The following ADARB2 variants were observed in gnomAD, a reference collection of about 807,000 sequenced individuals.
ADARB2 encodes the protein inactive double-stranded RNA-specific editase B2.
A neutral mutation model predicts 62.2 loss-of-function variants in ADARB2; 25 were observed. The ratio of observed to expected loss-of-function variants is 0.40; its 90% CI spans 0.29 to 0.56. The LOEUF is 0.56. ADARB2 is among the 20% of genes least tolerant of loss of function. The probability of loss-of-function intolerance (pLI) is 0.43; values close to 1 mark genes in which losing one functional copy is unlikely to be tolerated. For synonymous variants in ADARB2, 572 were observed against 500.8 expected, an observed-to-expected ratio of 1.14 and a Z score of -1.90; for missense variants, 1,071 against 1,077.4, an observed-to-expected ratio of 0.99 and a Z score of 0.08.
At chr10:1,371,537 T>C (rs1054429129) in intron 2 of ADARB2, among the ~76,000 whole-genome samples, 4 of 152,168 alleles carry the variant, frequency 2.6e-5, no homozygotes, top group African/African-American at 9.7e-5. Context: ...GATGAAATAT[T>C]TGCAAATTAT....
chr10:1,226,337 C>G (rs1360035530), intron 6 of ADARB2, among the ~76,000 whole-genome samples: 1 of 152,150 alleles, frequency 6.6e-6, no homozygotes, highest in Non-Finnish European at 1.5e-5. Flanking sequence ...CTTTTAACTT[C>G]TTTGCCATTG....
At chr10:1,486,357 A>G (rs1588274874) in intron 1 of ADARB2, among the ~76,000 whole-genome samples, 1 of 152,176 alleles carries the variant, frequency 6.6e-6, no homozygotes, top group East Asian at 1.9e-4. Flanking sequence ...TCTAAATTCC[A>G]GATCATTAAT....
chr10:1,222,954 A>C (rs977598286), intron 6 of ADARB2, among the ~76,000 whole-genome samples: 1 of 152,114 alleles, frequency 6.6e-6, no homozygotes, highest in Non-Finnish European at 1.5e-5. Flanking sequence ...TCTGTGAAGA[A>C]AGTCATTGGT....
chr10:1,345,193 C>T (rs1052994264), intron 3 of ADARB2, among the ~76,000 whole-genome samples: 1 of 152,114 alleles, frequency 6.6e-6, no homozygotes, highest in Non-Finnish European at 1.5e-5. Context: ...GTGGTCCCCC[C>T]TCACGAGGCC....
At chr10:1,367,471 C>A (rs188522153) in intron 2 of ADARB2, among the ~76,000 whole-genome samples, 2 of 152,128 alleles carry the variant, frequency 1.3e-5, no homozygotes, top group Non-Finnish European at 2.9e-5. Flanking sequence ...CAGTTGATGG[C>A]GGCAGAAACC....
At chr10:1,511,239 G>A (rs545326355) in intron 1 of ADARB2, among the ~76,000 whole-genome samples, 21 of 152,306 alleles carry the variant, frequency 1.4e-4, no homozygotes, top group Non-Finnish European at 2.1e-4. Flanking sequence ...AAAAGCTAAG[G>A]TGAAGTGCTA....
intron 1 of ADARB2, among the ~76,000 whole-genome samples, chr10:1,493,449 A>G (rs1199520185): frequency 6.6e-6 from 1 of 152,220 alleles, no homozygotes; most frequent in African/African-American, 2.4e-5. Flanking sequence ...AAAGATTCAG[A>G]GGATAAAATA....
At chr10:1,727,127 C>T (rs1368388395) in intron 1 of ADARB2, among the ~76,000 whole-genome samples, 2 of 152,158 alleles carry the variant, frequency 1.3e-5, no homozygotes, top group Non-Finnish European at 2.9e-5. Flanking sequence ...TGTAAATGTA[C>T]AATGTAAATC....
chr10:1,305,696 T>C (rs536638402), intron 3 of ADARB2, among the ~76,000 whole-genome samples: 6 of 152,050 alleles, frequency 3.9e-5, no homozygotes, highest in Admixed American at 1.3e-4. Context: ...TCAAAAAGCT[T>C]ATCCACCATG....
chr10:1,657,284 AG>A (rs1205846986), intron 1 of ADARB2, among the ~76,000 whole-genome samples: 2 of 152,230 alleles, frequency 1.3e-5, no homozygotes, highest in Non-Finnish European at 2.9e-5. Context: ...TGCTTCTTGT[AG>A]TACTGCAAAT....
chr10:1,637,326 T>C (rs910231074), intron 1 of ADARB2, among the ~76,000 whole-genome samples: 1 of 152,228 alleles, frequency 6.6e-6, no homozygotes, highest in Admixed American at 6.5e-5. Context: ...TGTCACCAGC[T>C]TCATTCTTTA....
chr10:1,714,649 C>G (rs1392664293), intron 1 of ADARB2, among the ~76,000 whole-genome samples: 1 of 152,192 alleles, frequency 6.6e-6, no homozygotes, highest in Non-Finnish European at 1.5e-5. Context: ...ATACCCTCCT[C>G]CCACAGAAGG....
intron 1 of ADARB2, among the ~76,000 whole-genome samples, chr10:1,550,132 C>T (rs4880865): frequency 0.31 from 47,118 of 152,072 alleles, 8,134 homozygotes; most frequent in East Asian, 0.6. Flanking sequence ...GTCCCTGCTC[C>T]CCACACCACA....
chr10:1,328,254 A>C (rs1273251715), intron 3 of ADARB2, among the ~76,000 whole-genome samples: 1 of 152,224 alleles, frequency 6.6e-6, no homozygotes, highest in Non-Finnish European at 1.5e-5. Context: ...GCAAGGAGGG[A>C]TTCTGGAACC....
chr10:1,491,532 T>G (rs1246166812), intron 1 of ADARB2, among the ~76,000 whole-genome samples: 3 of 152,234 alleles, frequency 2.0e-5, no homozygotes, highest in Non-Finnish European at 2.9e-5. Flanking sequence ...AGAGTCATCC[T>G]GCCTGACAAT....
intron 1 of ADARB2, among the ~76,000 whole-genome samples, chr10:1,675,740 G>T (rs1008550467): frequency 1.3e-5 from 2 of 152,106 alleles, no homozygotes; most frequent in Non-Finnish European, 2.9e-5. Context: ...TGACAGCCTG[G>T]AGACCTAGGG....
intron 6 of ADARB2, among the ~76,000 whole-genome samples, chr10:1,229,355 G>A (rs1830776643): frequency 6.6e-6 from 1 of 152,146 alleles, no homozygotes; most frequent in African/African-American, 2.4e-5. Context: ...GGGAATTCCT[G>A]GTCCTGCTGA....
chr10:1,652,654 G>C (rs777472360), intron 1 of ADARB2, among the ~76,000 whole-genome samples: 1 of 152,194 alleles, frequency 6.6e-6, no homozygotes, highest in Non-Finnish European at 1.5e-5. Context: ...TGTTGTTCTT[G>C]GTTTGTGTTG....
At chr10:1,547,387 T>G (rs1588297151) in intron 1 of ADARB2, among the ~76,000 whole-genome samples, 1 of 68,728 alleles carries the variant, frequency 1.5e-5, no homozygotes, top group Non-Finnish European at 2.8e-5. Flanking sequence ...TGTACTGTGT[T>G]GGGGGGAGAG....
Sources: allele counts gnomAD v4.1 joint callset (sites outside exome capture counted in the v4.1 genomes callset), GRCh38; gene constraint gnomAD v4.1.1; transcripts MANE v1.5; gene names NCBI Gene and HGNC (gene_info 2026-07-23, HGNC 2026-07-21).